The following ZNF560 variants were observed in gnomAD, a reference collection of about 807,000 sequenced individuals.
ZNF560 encodes zinc finger protein 560.
Under a neutral mutation model 81.8 loss-of-function variants are expected in ZNF560, and 54 were observed. That is an observed-to-expected ratio of 0.66 (90% CI 0.53 to 0.83). The LOEUF (loss-of-function observed/expected upper bound fraction) is 0.83. Ranked by LOEUF, ZNF560 falls within the 40% of genes least tolerant of loss-of-function variation. The probability of loss-of-function intolerance (pLI) is 0.00; values close to 1 mark genes in which losing one functional copy is unlikely to be tolerated. For synonymous variants in ZNF560, 321 were observed against 317.9 expected (o/e 1.01, Z -0.10); for missense variants, 940 against 932.4 (o/e 1.01, Z -0.11).
At chr19:9,477,192 C>CACATACATATGTGCATATACATATAT (rs2073215772) in intron 2 of ZNF560, among the ~76,000 whole-genome samples, 1 of 152,006 alleles carries the variant, frequency 6.6e-6, no homozygotes, top group African/African-American at 2.4e-5. Flanking sequence ...CATATATATA[C>CACATACATATGTGCATATACATATAT]ACATACATAT....
chr19:9,500,394 C>CTAA (rs2073623660), upstream of ZNF560, among the ~76,000 whole-genome samples: 1 of 82,666 alleles, frequency 1.2e-5, no homozygotes, highest in Non-Finnish European at 2.2e-5. Flanking sequence ...AACTTCATCT[C>CTAA]AAAAAAAAAA....
rs150705230 is a variant in ZNF560, at chr19:9,466,534, A to G, written c.*40T>C. The G allele has an allele frequency of 2.0e-6, 3 of 1,523,332 alleles. No homozygotes were observed. The highest frequency in any genetic ancestry group is 4.5e-5 in the East Asian group (2 of 44,106). 94.4% of individuals were successfully genotyped at this position (1,523,332 alleles called of 1,614,324 possible). A position where few individuals can be genotyped will look rare whatever the true frequency, so the allele number is the denominator to read the frequency against. ...GTTCAGTTAGGCTTGAGGAAACAGC[A>G]AAGGTTTTTCCACATTCTTCACATC... On this transcript the variant is annotated 3_prime_UTR_variant, in exon 10 of 10. Transcript: ENST00000301480.
chr19:9,469,560 A>C (rs960875350), intron 8 of ZNF560, 70 bp downstream of exon 8: 20 of 1,427,588 alleles, frequency 1.4e-5, no homozygotes, highest in Non-Finnish European at 2.0e-5. Flanking sequence ...GCATCTTATA[A>C]AACTTCATTG....
At chr19:9,497,292 T>C (rs10416353) in intron 2 of ZNF560, among the ~76,000 whole-genome samples, 6,937 of 152,196 alleles carry the variant, frequency 0.046, 537 homozygotes, top group African/African-American at 0.16. Context: ...AACAACACTC[T>C]TATCATTGAG....
chr19:9,485,989 G>A (rs1049089064), intron 2 of ZNF560, among the ~76,000 whole-genome samples: 15 of 152,204 alleles, frequency 9.9e-5, no homozygotes, highest in African/African-American at 3.6e-4. Flanking sequence ...GCTGGCAGGG[G>A]CAGGGAGCAT....
intron 2 of ZNF560, among the ~76,000 whole-genome samples, chr19:9,484,727 G>A (rs1444247879): frequency 6.6e-6 from 1 of 151,210 alleles, no homozygotes; most frequent in African/African-American, 2.4e-5. Flanking sequence ...AGGCTGCAGT[G>A]AGCTGAGATC....
chr19:9,452,079 CA>C, the ZNF560 span, among the ~76,000 whole-genome samples: 33 of 143,152 alleles, frequency 2.3e-4, no homozygotes, highest in East Asian at 1.0e-3. Context: ...CCATGTAAGC[CA>C]AAAAAAAAAG....
intron 2 of ZNF560, among the ~76,000 whole-genome samples, chr19:9,497,917 A>G (rs1417913561): frequency 2.0e-5 from 3 of 152,180 alleles, no homozygotes; most frequent in Non-Finnish European, 4.4e-5. Flanking sequence ...TCTTTAGTAG[A>G]AAGACTCGCG....
At chr19:9,461,618 G>C (rs368068341), downstream of ZNF560, among the ~76,000 whole-genome samples, 45 of 152,206 alleles carry the variant, frequency 3.0e-4, no homozygotes, top group East Asian at 7.9e-3. Flanking sequence ...AACTAAAATA[G>C]ACCAAAAGAT....
rs771202520 is a variant in ZNF560 at position 9,468,318 on chromosome 19, C to G, written c.629G>C (p.Gly210Ala). Reference sequence around the variant, plus strand: ...TTGCTTACAGTCATAGAGTTCCTCTCCATTTTGGTTTCTTGCCTGTTAACA... The same window carrying G: ...TTGCTTACAGTCATAGAGTTCCTCTGCATTTTGGTTTCTTGCCTGTTAACA... ...NGIQLARNQN[G>A]EELYDCKQCE... Residue 210 changes from glycine to alanine, a missense_variant, in exon 10 of 10, where the codon GGA becomes GCA. Physicochemically the swap from Gly to Ala is moderately conservative, Grantham distance 60. Coordinates refer to ENST00000301480, the MANE Select transcript of ZNF560 (RefSeq NM_152476.3). The G allele has an allele frequency of 8.2e-6, 13 of 1,591,384 alleles. No individual in the cohort carries two copies. Among genetic ancestry groups the G allele is most frequent in the Non-Finnish European group, 1.1e-5 (13 of 1,171,364 alleles).
At chr19:9,471,490 A>G in intron 5 of ZNF560, 112 bp from the exon 6 acceptor site, 1 of 753,506 alleles carries the variant, frequency 1.3e-6, no homozygotes, top group Non-Finnish European at 2.0e-6. Flanking sequence ...AAACATAAGA[A>G]AAAAGAAAGC....
rs946348370 is a variant in ZNF560 at position 9,467,067 on chromosome 19, G to A, written c.1880C>T (p.Pro627Leu). The A allele has an allele frequency of 1.2e-6, 2 of 1,613,956 alleles. No homozygotes were observed. The highest frequency in any genetic ancestry group is 1.7e-6 in the Non-Finnish European group (2 of 1,180,000). Residue 627 changes from proline (P) to leucine (L), a missense_variant, in exon 10 of 10, where the codon CCC becomes CTC. By Grantham distance (98) the Pro-to-Leu change is moderately conservative. Transcript: ENST00000301480. ...TTTCCCACAGTCCTTATATTCATAG[G>A]GCTTATCTCCAGTGTGTCTTCGTAA... ...KHLRRHTGDK[P>L]YEYKDCGKAF... is the part of the protein sequence containing the mutation.
the ZNF560 span, among the ~76,000 whole-genome samples, chr19:9,446,258 C>G: frequency 6.6e-6 from 1 of 151,844 alleles, no homozygotes; most frequent in East Asian, 1.9e-4. Context: ...TTTTCAGATT[C>G]TTCAAATAGC....
the ZNF560 span, among the ~76,000 whole-genome samples, chr19:9,503,630 G>A: frequency 2.6e-5 from 4 of 152,150 alleles, no homozygotes; most frequent in Non-Finnish European, 2.9e-5. Context: ...AACCAACTGG[G>A]CTCAAGCAAT....
In ZNF560 at chr19:9,469,735, A is replaced by G. The variant is rs755655014; in HGVS notation, c.449-25T>C. 5.0e-6 allele frequency: 8 copies of G among 1,605,000 alleles called. No homozygotes were observed. The African/African-American group carries it at 5.4e-5, about 11-fold the overall frequency. ...CCTGTACACAGGGAAAGATACACCA[A>G]TGGAAGAGGCTCATGCAAGAAATGG... On this transcript the variant is annotated intron_variant, in intron 7 of 9. Coordinates refer to ENST00000301480, the MANE Select transcript of ZNF560 (RefSeq NM_152476.3).
chr19:9,457,470 A>G, the ZNF560 span, among the ~76,000 whole-genome samples: 2 of 152,242 alleles, frequency 1.3e-5, no homozygotes, highest in African/African-American at 4.8e-5. Context: ...AATTTGCCAG[A>G]CTTATGTAGG....
chr19:9,492,177 T>C (rs577973395), intron 2 of ZNF560, among the ~76,000 whole-genome samples: 6 of 151,994 alleles, frequency 3.9e-5, no homozygotes, highest in African/African-American at 1.4e-4. Context: ...GGGGTTGATT[T>C]TTTGTTTTCA....
chr19:9,485,755 T>C (rs537316958), intron 2 of ZNF560, among the ~76,000 whole-genome samples: 1 of 152,120 alleles, frequency 6.6e-6, no homozygotes, highest in Non-Finnish European at 1.5e-5. Flanking sequence ...ACACTGGTCT[T>C]GAACTCCTGG....
In ZNF560 at chr19:9,466,723, A is replaced by G; in HGVS notation, c.2224T>C (p.Cys742Arg). Reference protein sequence around the residue: ...RIHTGEKPYKCKECGKAFRTS... With the variant: ...RIHTGEKPYKRKECGKAFRTS... Reference sequence around the variant, plus strand: ...CGGAAGGCCTTCCCACATTCCTTACATTTATAGGGCTTCTCTCCAGTGTGA... The same window carrying G: ...CGGAAGGCCTTCCCACATTCCTTACGTTTATAGGGCTTCTCTCCAGTGTGA... Residue 742 changes from cysteine (C) to arginine (R), a missense_variant, in exon 10 of 10, where the codon TGT (cysteine) becomes CGT (arginine). Cys to Arg is a radical substitution (Grantham distance 180, BLOSUM62 -3). Transcript: ENST00000301480. The G allele has an allele frequency of 4.3e-6, 7 of 1,614,136 alleles. No individual in the cohort carries two copies. The highest frequency in any genetic ancestry group is 1.3e-5 in the African/African-American group (1 of 75,038).
Sources: allele counts gnomAD v4.1 joint callset (sites outside exome capture counted in the v4.1 genomes callset), GRCh38; gene constraint gnomAD v4.1.1; transcripts MANE v1.5; gene names NCBI Gene and HGNC (gene_info 2026-07-23, HGNC 2026-07-21).